Variants in CNTRL observed in about 807,000 individuals in gnomAD.
CNTRL encodes 110 kDa centrosomal protein.
A neutral mutation model predicts 303.7 loss-of-function variants in CNTRL; 233 were observed. The ratio of observed to expected loss-of-function variants is 0.77; its 90% confidence interval spans 0.69 to 0.86. CNTRL has a LOEUF of 0.86. Ranked by LOEUF, CNTRL falls within the 40% of genes least tolerant of loss-of-function variation. The probability of loss-of-function intolerance (pLI) is 0.00; values close to 1 mark genes in which losing one functional copy is unlikely to be tolerated. For synonymous variants in CNTRL, 900 were observed against 922.2 expected (o/e 0.98, Z 0.44); for missense variants, 2,524 against 2,650.6 (o/e 0.95, Z 1.05).
chr9:121,148,512 C>G (rs2052013889), intron 23 of CNTRL, among the ~76,000 whole-genome samples, 160 bp from the exon 24 acceptor site: 2 of 152,148 alleles, frequency 1.3e-5, no homozygotes, highest in Non-Finnish European at 1.5e-5. Context: ...TTTATGTGAC[C>G]ATGTAATCAC....
intron 8 of CNTRL, among the ~76,000 whole-genome samples, chr9:121,111,664 G>A (rs190319874): frequency 6.6e-6 from 1 of 152,232 alleles, no homozygotes; most frequent in East Asian, 1.9e-4. Context: ...TTAGTAGAAA[G>A]GAGCTAGTAC....
intron 5 of CNTRL, among the ~76,000 whole-genome samples, chr9:121,096,145 G>T (rs2048881862): frequency 6.6e-6 from 1 of 152,148 alleles, no homozygotes; most frequent in South Asian, 2.1e-4. Context: ...CGGTGAGAAT[G>T]CCATGGTCAC....
intron 35 of CNTRL, 47 bp downstream of exon 35, chr9:121,165,147 G>C (rs768087013): frequency 6.7e-7 from 1 of 1,494,410 alleles, no homozygotes; most frequent in East Asian, 2.5e-5. Flanking sequence ...CTTGCCCTTC[G>C]TTAGATTCTT....
intron 40 of CNTRL, among the ~76,000 whole-genome samples, chr9:121,171,782 G>A (rs966246604): frequency 6.6e-6 from 1 of 151,802 alleles, no homozygotes; most frequent in African/African-American, 2.4e-5. Context: ...GTTTTTCAAG[G>A]AAAAAAGGTA....
At position 121,112,430 on chromosome 9, in the gene CNTRL, T is replaced by C. The variant is rs141641242; in HGVS notation, c.1003-29T>C. On this transcript the variant is annotated intron_variant, in intron 8 of 43. Transcript: ENST00000373855. ...TTTATACTAACTTACTGATCCTGTATGTTGTCTCATATCAAATTGGGCCAA... is the reference window on the plus strand; with the variant it reads ...TTTATACTAACTTACTGATCCTGTACGTTGTCTCATATCAAATTGGGCCAA... 1.4e-4 allele frequency: 224 copies of C among 1,606,384 alleles called. 1 individual carries two copies. In the African/African-American group the frequency reaches 2.7e-3, roughly 19 times the overall value.
At chr9:121,108,082 C>A in intron 8 of CNTRL, 87 bp downstream of exon 8, 2 of 810,764 alleles carry the variant, frequency 2.5e-6, no homozygotes, top group Non-Finnish European at 3.7e-6. Flanking sequence ...AACTTCCTGA[C>A]CATATAATGG....
chr9:121,164,774 TAGAA>T (rs1374665321), intron 34 of CNTRL, among the ~76,000 whole-genome samples, 165 bp from the exon 35 acceptor site: 1 of 152,244 alleles, frequency 6.6e-6, no homozygotes. Flanking sequence ...AGTCTCCACT[TAGAA>T]AGCTGATAAT....
In CNTRL at chr9:121,138,601, T is replaced by C. The variant is rs1278472098; in HGVS notation, c.2259T>C (p.Asn753=). ...ELEKERQALK[N]ALGKAQFSEE... ...AGAAGGAAAGGCAAGCCCTCAAGAA[T>C]GCCCTTGGAAAAGCCCAGTTCTCAG... is the stretch of plus-strand genomic sequence containing the variant. The change falls in exon 16 of 44, where the codon AAT becomes AAC. Residue 753 remains asparagine, a synonymous_variant. Coordinates refer to ENST00000373855, the MANE Select transcript of CNTRL (RefSeq NM_007018.6). The C allele has an allele frequency of 6.2e-6, 10 of 1,613,960 alleles. No individual in the cohort carries two copies. Among genetic ancestry groups the C allele is most frequent in the East Asian group, 2.2e-5 (1 of 44,872 alleles).
chr9:121,168,582 C>T (rs1365776072), intron 38 of CNTRL, among the ~76,000 whole-genome samples: 10 of 152,064 alleles, frequency 6.6e-5, no homozygotes, highest in East Asian at 1.9e-4. Context: ...GGAACATTCA[C>T]GTGAATAATT....
chr9:121,146,157 A>G lies in CNTRL; in HGVS notation c.3360A>G (p.Arg1120=), dbSNP rs370034473. Residue 1120 remains arginine, a synonymous_variant, in exon 23 of 44, where the codon CGA becomes CGG. Coordinates refer to ENST00000373855, the MANE Select transcript of CNTRL (RefSeq NM_007018.6). ...ENVLEEIAEL[R]REVSYQNDYI... is the part of the protein sequence containing the mutation. ...TTTTAGAAGAAATTGCTGAACTTCG[A>G]CGTGAAGTTTCTTATCAGAATGATT... 8 of 1,613,032 alleles carry G rather than the reference A, an allele frequency of 5.0e-6. No homozygotes were observed. The African/African-American group carries it at 9.3e-5, about 19-fold the overall frequency.
rs769091017 is a variant in CNTRL at position 121,175,204 on chromosome 9, T to C, written c.6934T>C (p.Ser2312Pro). The C allele has an allele frequency of 3.1e-6, 5 of 1,614,078 alleles. No homozygotes were observed. The South Asian group carries it at 5.5e-5, about 18-fold the overall frequency. Residue 2312 changes from serine to proline, a missense_variant, in exon 43 of 44, where the codon TCT becomes CCT. Coordinates refer to ENST00000373855, the MANE Select transcript of CNTRL (RefSeq NM_007018.6). ...SQLESSLTEDSQLGQNQEKNA... is the reference protein window; with the variant it reads ...SQLESSLTEDPQLGQNQEKNA... ...GCTGGAGTCTTCCCTCACAGAGGACTCTCAACTTGGACAAAATCAGGTAAG... is the reference window on the plus strand; with the variant it reads ...GCTGGAGTCTTCCCTCACAGAGGACCCTCAACTTGGACAAAATCAGGTAAG...
At chr9:121,137,428 C>T (rs770327061) in intron 15 of CNTRL, among the ~76,000 whole-genome samples, 14 of 152,070 alleles carry the variant, frequency 9.2e-5, no homozygotes, top group Non-Finnish European at 1.5e-5. Context: ...TTTTTCTGTG[C>T]CTGGCATATG....
Position 121,144,112 on chromosome 9 carries a change from A to G in CNTRL, c.3051+30A>G, listed in dbSNP as rs1426582847. On this transcript the variant is annotated intron_variant, in intron 20 of 43. Coordinates refer to ENST00000373855, the MANE Select transcript of CNTRL (RefSeq NM_007018.6). ...GTTCACATGTACAGAACAGGTTTCCATCAATGATGCTGCTGTCAAAAAACA... is the reference window on the plus strand; with the variant it reads ...GTTCACATGTACAGAACAGGTTTCCGTCAATGATGCTGCTGTCAAAAAACA... 11 of 1,541,376 alleles carry G rather than the reference A, an allele frequency of 7.1e-6. No homozygotes were observed. In the African/African-American group the frequency reaches 8.3e-5, roughly 12 times the overall value.
intron 34 of CNTRL, among the ~76,000 whole-genome samples, chr9:121,162,865 T>C (rs996674401): frequency 1.3e-5 from 2 of 152,122 alleles, no homozygotes; most frequent in Non-Finnish European, 2.9e-5. Flanking sequence ...TGGAACAGAA[T>C]AGAAAGTCTA....
chr9:121,112,389 A>G, intron 8 of CNTRL, 70 bp from the exon 9 acceptor site: 1 of 1,425,222 alleles, frequency 7.0e-7, no homozygotes, highest in South Asian at 1.2e-5. Flanking sequence ...ATGAGAACTT[A>G]CCATATCATC....
chr9:121,151,689 C>G (rs2134253604), intron 25 of CNTRL, among the ~76,000 whole-genome samples: 1 of 152,280 alleles, frequency 6.6e-6, no homozygotes, highest in East Asian at 1.9e-4. Flanking sequence ...CTGCGCCCAG[C>G]CTCATTAGAT....
chr9:121,138,775 G>A, intron 16 of CNTRL, 96 bp downstream of exon 16: 2 of 1,265,562 alleles, frequency 1.6e-6, no homozygotes, highest in Non-Finnish European at 2.2e-6. Context: ...CTAACATGTA[G>A]TAAGCAATTT....
chr9:121,153,918 CA>C (rs1352776730), intron 26 of CNTRL, among the ~76,000 whole-genome samples: 5 of 152,048 alleles, frequency 3.3e-5, no homozygotes, highest in African/African-American at 1.2e-4. Flanking sequence ...GAAGGTTAGG[CA>C]GATGGTTATG....
At chr9:121,085,168 A>ATGGT (rs1382162871) in intron 2 of CNTRL, among the ~76,000 whole-genome samples, 2 of 152,196 alleles carry the variant, frequency 1.3e-5, no homozygotes, top group African/African-American at 4.8e-5. Context: ...AAGATATTTT[A>ATGGT]TGGTTTCATT....
Sources: allele counts gnomAD v4.1 joint callset (sites outside exome capture counted in the v4.1 genomes callset), GRCh38; gene constraint gnomAD v4.1.1; transcripts MANE v1.5; gene names NCBI Gene and HGNC (gene_info 2026-07-23, HGNC 2026-07-21).